Variants in EPHB4 observed in about 807,000 individuals in gnomAD.
EPHB4 encodes the protein EPH receptor B4.
A neutral mutation model predicts 110.6 loss-of-function variants in EPHB4; 50 were observed. The observed-to-expected ratio is 0.45, with a 90% CI of 0.36 to 0.57. The LOEUF (loss-of-function observed/expected upper bound fraction) is 0.57, where lower values mean the gene tolerates loss of function less well. Among genes scored for constraint, EPHB4 ranks in the 20% least tolerant of loss-of-function variants. EPHB4 has a pLI of 0.00. For synonymous variants in EPHB4, 592 were observed against 578.4 expected, an observed-to-expected ratio of 1.02 and a Z score of -0.34; for missense variants, 1,128 against 1,382.1, an observed-to-expected ratio of 0.82 and a Z score of 2.91.
In EPHB4 at chr7:100,807,401, C is replaced by T; in HGVS notation, c.2298G>A (p.Glu766=). ...TGTAGGTGGGATCGGAAGAGTTCTC[C>T]TCCAGGAATCGGGAAAGGCCAAAGT... ...VSDFGLSRFL[E]ENSSDPTYTS... The change falls in exon 13 of 17, where the codon GAG becomes GAA. Residue 766 remains glutamate, a synonymous_variant. Transcript: ENST00000358173. The T allele has an allele frequency of 6.2e-7, 1 of 1,613,936 alleles. No homozygotes were observed. Among genetic ancestry groups the T allele is most frequent in the Non-Finnish European group, 8.5e-7 (1 of 1,179,974 alleles).
rs760689869 is a variant in EPHB4, at chr7:100,826,961, C to CA, written c.52+17_52+18insT. 6.5e-7 allele frequency: 1 copy of CA among 1,528,714 alleles called. No homozygotes were observed. Among genetic ancestry groups the CA allele is most frequent in the Admixed American group, 1.9e-5 (1 of 51,548 alleles). The allele number at this position is 1,528,714 out of a possible 1,614,324, so 94.7% of individuals were successfully genotyped here. On this transcript the variant is annotated intron_variant, in intron 1 of 16. Coordinates refer to ENST00000358173, the MANE Select transcript of EPHB4 (RefSeq NM_004444.5). ...CCCAGGAGTGACGGGGTGCGCCCCC[C>CA]CCCGCAAGGAAACTCACCTTCCAAA... is the stretch of plus-strand genomic sequence containing the variant.
rs139513482 is a variant in EPHB4, at chr7:100,826,991, C to T, written c.40G>A (p.Ala14Thr). Residue 14 changes from alanine to threonine, a missense_variant, in exon 1 of 17, where the codon GCA becomes ACA. By Grantham distance (58) the Ala-to-Thr change is moderately conservative. This residue lies in a region of EPHB4 where 728 missense variants were observed against 828.6 expected (regional missense o/e 0.88). Coordinates refer to ENST00000358173, the MANE Select transcript of EPHB4 (RefSeq NM_004444.5). ...RVLLCWASLA[A>T]ALEETLLNTK... The stretch of plus-strand genomic sequence containing the variant: ...CAAGGAAACTCACCTTCCAAAGCTG[C>T]GGCCAACGAAGCCCAGCAGAGCAGC... The T allele has an allele frequency of 2.6e-4, 407 of 1,567,976 alleles. No homozygotes were observed. Among genetic ancestry groups the T allele is most frequent in the Non-Finnish European group, 3.2e-4 (370 of 1,154,998 alleles).
chr7:100,803,587 G>A lies in EPHB4; in HGVS notation c.2838C>T (p.Asp946=). The change falls in exon 17 of 17, where the codon GAC becomes GAT. Residue 946 remains aspartate, a synonymous_variant. Transcript: ENST00000358173. ...FELVSQISAE[D]LLRIGVTLAG... ...CCAGAGTGACTCCGATTCGGAGCAG[G>A]TCCCTGCAGAAGGAAAGGAGAGCTT... 1 of 1,602,184 alleles carries A rather than the reference G, an allele frequency of 6.2e-7. No individual in the cohort carries two copies. The highest frequency in any genetic ancestry group is 8.5e-7 in the Non-Finnish European group (1 of 1,172,230).
At chr7:100,804,186 A>T (rs1326965340) in intron 16 of EPHB4, among the ~76,000 whole-genome samples, 1 of 150,592 alleles carries the variant, frequency 6.6e-6, no homozygotes, top group African/African-American at 2.5e-5. Context: ...TGTTTTGTAG[A>T]GATGGGGTTT....
intron 1 of EPHB4, 199 bp from the exon 2 acceptor site, chr7:100,824,472 C>T (rs1485955031): frequency 1.7e-6 from 1 of 591,414 alleles, no homozygotes; most frequent in Non-Finnish European, 3.0e-6. Flanking sequence ...CCACCCCCAA[C>T]ATCTGGTAGG....
At position 100,822,650 on chromosome 7, in the gene EPHB4, C is replaced by T. The variant is rs759503338; in HGVS notation, c.429G>A (p.Ala143=). The T allele has an allele frequency of 2.2e-5, 35 of 1,579,556 alleles. No individual in the cohort carries two copies. The highest frequency in any genetic ancestry group is 1.9e-4 in the Admixed American group (11 of 57,052). ...NPYIKVDTVA[A]EHLTRKRPGA... ...CAGGGCGCTTCCGGGTGAGATGCTC[C>T]GCGGCCACCGTGTCCACCTGCCGGC... The change falls in exon 4 of 17, where the codon GCG becomes GCA. Residue 143 remains alanine, a synonymous_variant. Coordinates refer to ENST00000358173, the MANE Select transcript of EPHB4 (RefSeq NM_004444.5). The surrounding 1 kb of genome is among the most constrained non-coding windows in gnomAD (Gnocchi z 4.7).
chr7:100,806,172 C>A, intron 14 of EPHB4: 1 of 314,924 alleles, frequency 3.2e-6, no homozygotes, highest in South Asian at 8.4e-5. Flanking sequence ...GTTGGCCAGG[C>A]TGGTCTTGAA....
chr7:100,816,800 T>C (rs551354307), intron 8 of EPHB4, among the ~76,000 whole-genome samples: 2 of 152,022 alleles, frequency 1.3e-5, no homozygotes, highest in East Asian at 3.9e-4. Flanking sequence ...AGATAGGACT[T>C]TGACCGGGTG....
intron 10 of EPHB4, 62 bp downstream of exon 10, chr7:100,813,590 A>T: frequency 6.3e-7 from 1 of 1,584,398 alleles, no homozygotes; most frequent in Non-Finnish European, 8.6e-7. Context: ...TGCTGGGATT[A>T]TAGATAGGAG....
rs1812740096 is a variant in EPHB4, at chr7:100,803,378, A to G, written c.*83T>C. On this transcript the variant is annotated 3_prime_UTR_variant, in exon 17 of 17. Transcript: ENST00000358173. ...GGCTCAAAGTGCAATCCAGCGGGGCACAGGGCTGGGGGCCTCTGTGAGTCC... is the reference window on the plus strand; with the variant it reads ...GGCTCAAAGTGCAATCCAGCGGGGCGCAGGGCTGGGGGCCTCTGTGAGTCC... 2 of 1,359,584 alleles carry G rather than the reference A, an allele frequency of 1.5e-6. No individual in the cohort carries two copies. The highest frequency in any genetic ancestry group is 2.0e-5 in the South Asian group (1 of 50,594). The allele number at this position is 1,359,584 out of a possible 1,614,324, so 84.2% of individuals were successfully genotyped here.
In EPHB4 at chr7:100,822,570, C is replaced by A. The variant is rs766999001; in HGVS notation, c.509G>T (p.Ser170Ile). 2 of 1,613,122 alleles carry A rather than the reference C, an allele frequency of 1.2e-6. No homozygotes were observed. Among genetic ancestry groups the A allele is most frequent in the Admixed American group, 3.3e-5 (2 of 59,982 alleles). ...NVKTLRLGPL[S>I]KAGFYLAFQD... Reference sequence around the variant, plus strand: ...GAAGGCCAGGTAGAAGCCAGCCTTGCTGAGCGGTCCCAGACGCAGCGTCTT... The same window carrying A: ...GAAGGCCAGGTAGAAGCCAGCCTTGATGAGCGGTCCCAGACGCAGCGTCTT... Residue 170 changes from serine (S) to isoleucine (I), a missense_variant, in exon 4 of 17, where the codon AGC (serine) becomes ATC (isoleucine). Transcript: ENST00000358173. The surrounding 1 kb of genome is among the most constrained non-coding windows in gnomAD (Gnocchi z 4.7).
Position 100,813,664 on chromosome 7 carries a change from G to A in EPHB4, c.1744C>T (p.Leu582Phe). ...TAGGGCAACCCACCATGTCCGATGA[G>A]ATACTGTCCGTGTTTGTCCGAATAT... Reference protein sequence around the residue: ...AEYSDKHGQYLIGHGTKVYID... With the variant: ...AEYSDKHGQYFIGHGTKVYID... Residue 582 changes from leucine (L) to phenylalanine (F), a missense_variant, in exon 10 of 17, where the codon CTC (leucine) becomes TTC (phenylalanine). Around this residue, in one of 3 missense-constraint regions of EPHB4, gnomAD observed 728 missense variants for 828.6 expected, o/e 0.88. Transcript: ENST00000358173. The A allele has an allele frequency of 6.2e-7, 1 of 1,614,094 alleles. No individual in the cohort carries two copies.
rs774753223 is a variant in EPHB4 at position 100,819,727 on chromosome 7, T to C, written c.1127A>G (p.Asp376Gly). ...PGGSCAPCGG[D>G]LTFDPGPRDL... ...CCGGGGGCCGGGGTCAAAAGTCAGG[T>C]CTCCCCCGCAGGGCGCACAGGAGCC... Residue 376 changes from aspartate to glycine, a missense_variant, in exon 6 of 17, where the codon GAC becomes GGC. Physicochemically the swap from Asp to Gly is moderately conservative, Grantham distance 94. Around this residue, in one of 3 missense-constraint regions of EPHB4, gnomAD observed 728 missense variants for 828.6 expected, o/e 0.88. Transcript: ENST00000358173. 6 of 1,612,046 alleles carry C rather than the reference T, an allele frequency of 3.7e-6. No individual in the cohort carries two copies.
At chr7:100,819,273 T>A (rs2116449349) in intron 6 of EPHB4, among the ~76,000 whole-genome samples, 1 of 142,458 alleles carries the variant, frequency 7.0e-6, no homozygotes, top group African/African-American at 2.5e-5. Flanking sequence ...CCACCTCGCC[T>A]GGCTAATATT....
intron 11 of EPHB4, 40 bp downstream of exon 11, chr7:100,813,055 C>T (rs372214423): frequency 1.4e-4 from 219 of 1,612,638 alleles, no homozygotes; most frequent in Non-Finnish European, 1.7e-4. Flanking sequence ...TGCCCACCCC[C>T]GCTTCGTTCC....
chr7:100,827,290 T>C lies in EPHB4; in HGVS notation c.-260A>G, dbSNP rs1221747639. 1 of 153,766 alleles carries C rather than the reference T, an allele frequency of 6.5e-6. No individual in the cohort carries two copies. The highest frequency in any genetic ancestry group is 1.4e-5 in the Non-Finnish European group (1 of 70,494). The allele number at this position is 153,766 out of a possible 1,614,324, so 9.5% of individuals were successfully genotyped here. On this transcript the variant is annotated 5_prime_UTR_variant, in exon 1 of 17. Coordinates refer to ENST00000358173, the MANE Select transcript of EPHB4 (RefSeq NM_004444.5). ...GGGCGGGCGCGCAGCAAGACGTGGC[T>C]GGAGTTGGGGTCCCTCCGGGGCCTC... is the stretch of plus-strand genomic sequence containing the variant.
At chr7:100,812,447 A>G (rs314357) in intron 12 of EPHB4, among the ~76,000 whole-genome samples, 76,567 of 151,794 alleles carry the variant, frequency 0.5, 20,560 homozygotes, top group Middle Eastern at 0.73. Context: ...AAAATTAGTC[A>G]GCATGGTGGT....
Position 100,820,249 on chromosome 7 carries a change from G to A in EPHB4, c.856C>T (p.Gln286Ter). ...GAGTGGCTATTGGCTGGGCATGGCT[G>A]GCAGGACCCTTCTCCTGACAGGGGC... ...FKPLSGEGSC[Q>*]PCPANSHSNT... The change falls in exon 5 of 17, where the codon CAG becomes TAG. Residue 286 changes from glutamine to a stop codon, truncating the protein, a stop_gained. Coordinates refer to ENST00000358173, the MANE Select transcript of EPHB4 (RefSeq NM_004444.5). LOFTEE classifies it high-confidence loss of function. 1.2e-6 allele frequency: 2 copies of A among 1,614,028 alleles called. No homozygotes were observed. The highest frequency in any genetic ancestry group is 1.7e-6 in the Non-Finnish European group (2 of 1,179,988).
chr7:100,823,329 GA>G (rs1323477106), intron 3 of EPHB4, among the ~76,000 whole-genome samples: 1 of 152,122 alleles, frequency 6.6e-6, no homozygotes, highest in Non-Finnish European at 1.5e-5. Context: ...TCTTGAGCTG[GA>G]AACCAGCCAG....
Sources: allele counts gnomAD v4.1 joint callset (sites outside exome capture counted in the v4.1 genomes callset), GRCh38; gene constraint gnomAD v4.1.1; regional missense constraint gnomAD v4.1.1; non-coding constraint Gnocchi (gnomAD v3.1); transcripts MANE v1.5; gene names NCBI Gene and HGNC (gene_info 2026-07-23, HGNC 2026-07-21).